The following ADARB2 variants were observed in gnomAD, a reference collection of about 807,000 sequenced individuals.
ADARB2 encodes the protein adenosine deaminase RNA specific B2 (inactive), also known as inactive double-stranded RNA-specific editase B2.
In ADARB2, 25 loss-of-function variants were observed where a neutral mutation model predicts 62.2. That is an observed-to-expected ratio of 0.40 (90% CI 0.29 to 0.56). ADARB2 has a LOEUF of 0.56. Among genes scored for constraint, ADARB2 ranks in the 20% least tolerant of loss-of-function variants. The probability of loss-of-function intolerance (pLI) is 0.43; values close to 1 mark genes in which losing one functional copy is unlikely to be tolerated. For synonymous variants in ADARB2, 572 were observed against 500.8 expected (o/e 1.14, Z -1.90); for missense variants, 1,071 against 1,077.4 (o/e 0.99, Z 0.08).
intron 8 of ADARB2, among the ~76,000 whole-genome samples, chr10:1,199,039 A>T (rs1279466442): frequency 6.6e-6 from 1 of 152,240 alleles, no homozygotes; most frequent in African/African-American, 2.4e-5. Context: ...CTTGGCAAAC[A>T]GGTGAAAATC....
At chr10:1,259,296 G>A (rs1303842100) in intron 4 of ADARB2, among the ~76,000 whole-genome samples, 4 of 152,086 alleles carry the variant, frequency 2.6e-5, no homozygotes, top group Admixed American at 6.5e-5. Context: ...AAATAACTAA[G>A]ATCAGAGCAG....
intron 1 of ADARB2, among the ~76,000 whole-genome samples, chr10:1,482,991 G>A (rs11250563): frequency 0.21 from 31,554 of 152,086 alleles, 3,490 homozygotes; most frequent in Non-Finnish European, 0.25. Context: ...ACTTTCCAGT[G>A]AAATTATGTT....
Position 1,335,867 on chromosome 10 carries a change from G to A in ADARB2, c.1077+27161C>T, listed in dbSNP as rs772026242. ...ACATGCAAATTAGAGAGATGCCTGCGTTACAGACCCGCTGCAATCCCCGTG... is the reference window on the plus strand; with the variant it reads ...ACATGCAAATTAGAGAGATGCCTGCATTACAGACCCGCTGCAATCCCCGTG... On this transcript the variant is annotated intron_variant, in intron 3 of 9. Transcript: ENST00000381312. Among the ~76,000 whole-genome samples the A allele has an allele frequency of 2.5e-4, 38 of 152,306 alleles. 1 individual carries two copies. The highest frequency in any genetic ancestry group is 6.5e-4 in the Admixed American group (10 of 15,298).
intron 7 of ADARB2, among the ~76,000 whole-genome samples, chr10:1,207,148 A>G (rs1589151419): frequency 6.6e-6 from 1 of 152,074 alleles, no homozygotes; most frequent in African/African-American, 2.4e-5. Context: ...GGAGTTTGAG[A>G]CCAGCCTGGC....
chr10:1,329,929 CT>C (rs370355543), intron 3 of ADARB2, among the ~76,000 whole-genome samples: 28,213 of 98,664 alleles, frequency 0.29, 2,557 homozygotes, highest in Admixed American at 0.35. Context: ...GAAGAAGTGC[CT>C]TTTTTTTTTT....
At chr10:1,666,975 G>A (rs1564362578) in intron 1 of ADARB2, among the ~76,000 whole-genome samples, 1 of 152,070 alleles carries the variant, frequency 6.6e-6, no homozygotes, top group South Asian at 2.1e-4. Context: ...ACTCTGAAAA[G>A]ACCCCTGATG....
chr10:1,352,038 A>C (rs999838676), intron 3 of ADARB2, among the ~76,000 whole-genome samples: 1 of 151,508 alleles, frequency 6.6e-6, no homozygotes, highest in Non-Finnish European at 1.5e-5. Flanking sequence ...CTTCGCTTTC[A>C]CTTGGACTGA....
intron 6 of ADARB2, among the ~76,000 whole-genome samples, chr10:1,222,351 C>T (rs1346760546): frequency 2.0e-5 from 3 of 152,058 alleles, no homozygotes; most frequent in Non-Finnish European, 2.9e-5. Context: ...AAAATTTTCT[C>T]CCATTTTGTA....
At chr10:1,589,914 C>T (rs758462982) in intron 1 of ADARB2, among the ~76,000 whole-genome samples, 2 of 152,226 alleles carry the variant, frequency 1.3e-5, no homozygotes, top group Non-Finnish European at 2.9e-5. Flanking sequence ...TCAGGTGATG[C>T]ACCCGCCTTG....
chr10:1,369,543 C>T (rs777579454), intron 2 of ADARB2, among the ~76,000 whole-genome samples: 1 of 152,248 alleles, frequency 6.6e-6, no homozygotes, highest in African/African-American at 2.4e-5. Flanking sequence ...CTGTTACCCA[C>T]ACAAAAGGCA....
At chr10:1,356,671 T>A (rs574403862) in intron 3 of ADARB2, among the ~76,000 whole-genome samples, 8 of 152,292 alleles carry the variant, frequency 5.3e-5, no homozygotes, top group Admixed American at 1.3e-4. Flanking sequence ...GACACCATCT[T>A]AAAGCCCATT....
intron 1 of ADARB2, among the ~76,000 whole-genome samples, chr10:1,688,584 G>C (rs1418129360): frequency 2.0e-5 from 3 of 152,214 alleles, no homozygotes; most frequent in Admixed American, 2.0e-4. Flanking sequence ...GCAGCCCAGC[G>C]GGGTCCCTCC....
chr10:1,696,382 A>G, intron 1 of ADARB2, among the ~76,000 whole-genome samples: 1 of 151,842 alleles, frequency 6.6e-6, no homozygotes, highest in East Asian at 1.9e-4. Context: ...GTCGTGACAG[A>G]TTTTATATGG....
At chr10:1,267,767 C>T (rs1311165082) in intron 4 of ADARB2, among the ~76,000 whole-genome samples, 3 of 152,220 alleles carry the variant, frequency 2.0e-5, no homozygotes, top group African/African-American at 2.4e-5. Flanking sequence ...TGTCCTGACG[C>T]CAGGCAGCCA....
At chr10:1,602,404 A>T (rs1265418360) in intron 1 of ADARB2, among the ~76,000 whole-genome samples, 1 of 152,154 alleles carries the variant, frequency 6.6e-6, no homozygotes, top group East Asian at 1.9e-4. Flanking sequence ...TGAGGGAAGA[A>T]TGGCTCCCGA....
chr10:1,463,474 TAA>T (rs1458623440), intron 1 of ADARB2, among the ~76,000 whole-genome samples: 1 of 152,212 alleles, frequency 6.6e-6, no homozygotes, highest in African/African-American at 2.4e-5. Flanking sequence ...GCTTTTCCGC[TAA>T]AGTGGTTAAC....
chr10:1,482,292 T>C (rs867458697), intron 1 of ADARB2, among the ~76,000 whole-genome samples: 1 of 152,194 alleles, frequency 6.6e-6, no homozygotes, highest in Non-Finnish European at 1.5e-5. Context: ...ATGTACACAA[T>C]AGCGTTATTC....
rs550769018 is a variant in ADARB2 at position 1,532,689 on chromosome 10, C to T, written c.101-153529G>A. On this transcript the variant is annotated intron_variant, in intron 1 of 9. Coordinates refer to ENST00000381312, the MANE Select transcript of ADARB2 (RefSeq NM_018702.4). ...GGCCTCTTCTCATCTCAGTGCCAGC[C>T]GTGATGATCAGAAACATTTCTTTAG... Among the ~76,000 whole-genome samples the T allele has an allele frequency of 2.0e-4, 30 of 152,218 alleles. No homozygotes were observed. In the South Asian group the frequency reaches 2.5e-3, roughly 13 times the overall value.
chr10:1,216,407 C>T (rs975797981), intron 7 of ADARB2: 10 of 156,732 alleles, frequency 6.4e-5, no homozygotes, highest in African/African-American at 1.9e-4. Context: ...GCTTCCTGCT[C>T]CTCTGCACAG....
Sources: gnomAD v4.1 joint callset for allele counts (sites outside exome capture counted in the v4.1 genomes callset) on GRCh38, gnomAD v4.1.1 for gene constraint, MANE v1.5 for transcripts, NCBI Gene and HGNC (gene_info 2026-07-23, HGNC 2026-07-21) for gene names.